Variants in HECW1 observed in about 807,000 individuals in gnomAD.
The protein encoded by HECW1 is HECT, C2 and WW domain containing E3 ubiquitin protein ligase 1.
In HECW1, 61 loss-of-function variants were observed where a neutral mutation model predicts 182.3. The ratio of observed to expected loss-of-function variants is 0.33; its 90% CI spans 0.27 to 0.41. The LOEUF (loss-of-function observed/expected upper bound fraction) is 0.41. Among genes scored for constraint, HECW1 ranks in the 10% least tolerant of loss-of-function variants. The pLI, the probability that HECW1 is intolerant of heterozygous loss-of-function variation, is 1.00. For missense variants in HECW1, 1,739 were observed against 2,108.9 expected, an observed-to-expected ratio of 0.82 and a Z score of 3.44; for synonymous variants, 859 against 832.6, an observed-to-expected ratio of 1.03 and a Z score of -0.55.
chr7:43,311,788 G>T lies in HECW1; in HGVS notation c.53G>T (p.Gly18Val), dbSNP rs1472645291. The T allele has an allele frequency of 6.2e-7, 1 of 1,613,886 alleles. No individual in the cohort carries two copies. Among genetic ancestry groups the T allele is most frequent in the Admixed American group, 1.7e-5 (1 of 60,016 alleles). The change falls in exon 4 of 30, where the codon GGC (glycine) becomes GTC (valine). Residue 18 changes from glycine (G) to valine (V), a missense_variant. By Grantham distance (109) the Gly-to-Val change is moderately radical (BLOSUM62 -3). This residue lies in a region of HECW1 where 279 missense variants were observed against 353.1 expected (regional missense o/e 0.79). Transcript: ENST00000395891. Reference sequence around the variant, plus strand: ...AATCTGTACCAGAACAGGTTTTTAGGCCTGGCCGCCATGGCGTCTCCTTCT... The same window carrying T: ...AATCTGTACCAGAACAGGTTTTTAGTCCTGGCCGCCATGGCGTCTCCTTCT... ...VKNLYQNRFL[G>V]LAAMASPSRN...
chr7:43,296,844 C>G (rs1422727486), intron 3 of HECW1, among the ~76,000 whole-genome samples: 4 of 152,226 alleles, frequency 2.6e-5, no homozygotes, highest in Non-Finnish European at 2.9e-5. Context: ...TCTGTGTCCT[C>G]CACTTGCCCA....
intron 14 of HECW1, 87 bp from the exon 15 acceptor site, chr7:43,466,360 G>T: frequency 7.3e-7 from 1 of 1,376,260 alleles, no homozygotes; most frequent in Non-Finnish European, 1.0e-6. Flanking sequence ...GTGAAGGCTT[G>T]TGTGCTGCCA....
chr7:43,495,668 G>A (rs1489174960), intron 19 of HECW1, among the ~76,000 whole-genome samples: 1 of 152,132 alleles, frequency 6.6e-6, no homozygotes, highest in African/African-American at 2.4e-5. Context: ...GTGATGAATG[G>A]CCACTTTCAT....
intron 2 of HECW1, among the ~76,000 whole-genome samples, chr7:43,211,169 G>T (rs142264719): frequency 6.6e-6 from 1 of 152,094 alleles, no homozygotes; most frequent in Non-Finnish European, 1.5e-5. Context: ...AGGTGGATGC[G>T]GTCACCTTCC....
intron 2 of HECW1, among the ~76,000 whole-genome samples, chr7:43,165,595 A>G (rs1791028319): frequency 6.6e-6 from 1 of 152,218 alleles, no homozygotes; most frequent in African/African-American, 2.4e-5. Context: ...TGAAAAGGAC[A>G]CAACTCTCCT....
intron 2 of HECW1, among the ~76,000 whole-genome samples, chr7:43,225,599 T>C (rs1209476361): frequency 1.3e-5 from 2 of 152,222 alleles, no homozygotes; most frequent in Non-Finnish European, 2.9e-5. Context: ...ATGCCTATAT[T>C]AATGTAGGTA....
Position 43,445,407 on chromosome 7 carries a change from G to C in HECW1, c.2235G>C (p.Ala745=). 6.2e-7 allele frequency: 1 copy of C among 1,613,536 alleles called. No homozygotes were observed. The highest frequency in any genetic ancestry group is 8.5e-7 in the Non-Finnish European group (1 of 1,180,006). The change falls in exon 11 of 30, where the codon GCG becomes GCC. Residue 745 remains alanine (A), a synonymous_variant. Coordinates refer to ENST00000395891, the MANE Select transcript of HECW1 (RefSeq NM_015052.5). The part of the protein sequence containing the change: ...SQDDEEEENS[A]FESVPDSMQS... ...ACGACGAGGAGGAGGAGAACAGCGC[G>C]TTCGAGTCGGTACCCGACTCCATGC...
At chr7:43,338,861 G>C (rs1384530759) in intron 5 of HECW1, among the ~76,000 whole-genome samples, 2 of 151,110 alleles carry the variant, frequency 1.3e-5, no homozygotes, top group African/African-American at 4.9e-5. Context: ...ATTTCTTTTA[G>C]TGCAATCCCA....
intron 7 of HECW1, among the ~76,000 whole-genome samples, chr7:43,402,510 T>C (rs2075461164): frequency 6.6e-6 from 1 of 152,126 alleles, no homozygotes; most frequent in African/African-American, 2.4e-5. Flanking sequence ...CACCAGATTT[T>C]CATATATGTG....
At chr7:43,365,936 A>C (rs914949599) in intron 6 of HECW1, among the ~76,000 whole-genome samples, 1 of 152,150 alleles carries the variant, frequency 6.6e-6, no homozygotes, top group Non-Finnish European at 1.5e-5. Context: ...TCTATAAAAA[A>C]ATAAAAAATA....
intron 2 of HECW1, among the ~76,000 whole-genome samples, chr7:43,146,567 A>C (rs1788736467): frequency 6.6e-6 from 1 of 152,238 alleles, no homozygotes; most frequent in Non-Finnish European, 1.5e-5. Flanking sequence ...TGGAAATTCG[A>C]GTCTTAATAA....
intron 12 of HECW1, among the ~76,000 whole-genome samples, chr7:43,454,240 A>G (rs554423157): frequency 9.5e-4 from 144 of 152,366 alleles, no homozygotes; most frequent in Non-Finnish European, 1.9e-3. Flanking sequence ...GACCTGGCAC[A>G]GTCTCTAGTT....
chr7:43,286,851 G>A (rs1246481888), intron 3 of HECW1, among the ~76,000 whole-genome samples: 2 of 152,190 alleles, frequency 1.3e-5, no homozygotes, highest in East Asian at 3.8e-4. Context: ...GAAGCACCCT[G>A]AACTTCATGG....
intron 2 of HECW1, among the ~76,000 whole-genome samples, chr7:43,116,259 A>G (rs1785040267): frequency 1.3e-5 from 2 of 152,194 alleles, no homozygotes; most frequent in African/African-American, 4.8e-5. Flanking sequence ...TGGATTATCC[A>G]TTTTGACAAA....
chr7:43,493,908 G>T (rs549176169), intron 19 of HECW1, among the ~76,000 whole-genome samples: 8 of 152,292 alleles, frequency 5.3e-5, no homozygotes, highest in African/African-American at 1.9e-4. Context: ...CCAAATGGGG[G>T]TCACAAAGTG....
At position 43,435,893 on chromosome 7, in the gene HECW1, G is replaced by C. The variant is rs151212715; in HGVS notation, c.802-2110G>C. On this transcript the variant is annotated intron_variant, in intron 8 of 29. Transcript: ENST00000395891. ...GTTAAAAGATTGCTAGGCCGGGCGT[G>C]GTGGCTCACGCCTGTAATCCCAGCA... 2.4e-3 allele frequency among the ~76,000 whole-genome samples: 362 copies of C among 152,278 alleles called. 2 individuals are homozygous for C. Among genetic ancestry groups the C allele is most frequent in the African/African-American group, 8.1e-3 (338 of 41,556 alleles).
intron 3 of HECW1, chr7:43,274,634 G>T: frequency 2.8e-6 from 1 of 362,448 alleles, no homozygotes; most frequent in Non-Finnish European, 5.2e-6. Context: ...GAACGCCCCG[G>T]GGGAGGGAGG....
At chr7:43,354,259 A>G (rs12702035) in intron 5 of HECW1, among the ~76,000 whole-genome samples, 26,406 of 151,876 alleles carry the variant, frequency 0.17, 3,070 homozygotes, top group Non-Finnish European at 0.26. Flanking sequence ...ACATAGCTGT[A>G]TATCTACAAG....
chr7:43,155,944 T>C (rs1014110040), intron 2 of HECW1, among the ~76,000 whole-genome samples: 1 of 152,184 alleles, frequency 6.6e-6, no homozygotes, highest in East Asian at 1.9e-4. Flanking sequence ...CTGGCAACAG[T>C]CTACATTTCA....
Sources: allele counts gnomAD v4.1 joint callset (sites outside exome capture counted in the v4.1 genomes callset), GRCh38; gene constraint gnomAD v4.1.1; regional missense constraint gnomAD v4.1.1; transcripts MANE v1.5; gene names NCBI Gene and HGNC (gene_info 2026-07-23, HGNC 2026-07-21).